The following PEAK1 variants were observed in gnomAD, a reference collection of about 807,000 sequenced individuals.
PEAK1 encodes inactive tyrosine-protein kinase PEAK1.
A neutral mutation model predicts 124.7 loss-of-function variants in PEAK1; 54 were observed. The ratio of observed to expected loss-of-function variants is 0.43; its 90% CI spans 0.35 to 0.54. The LOEUF is 0.54. Among genes scored for constraint, PEAK1 ranks in the 20% least tolerant of loss-of-function variants. The pLI is 0.01. For synonymous variants in PEAK1, 719 were observed against 760.0 expected, an observed-to-expected ratio of 0.95 and a Z score of 0.89; for missense variants, 2,046 against 2,134.5, an observed-to-expected ratio of 0.96 and a Z score of 0.82.
chr15:77,248,752 C>T (rs906098655), intron 6 of PEAK1, among the ~76,000 whole-genome samples: 6 of 152,170 alleles, frequency 3.9e-5, no homozygotes, highest in Non-Finnish European at 4.4e-5. Context: ...AAAAGTGAAT[C>T]TCAATGTTTC....
chr15:77,245,067 C>G (rs2060519343), intron 6 of PEAK1, among the ~76,000 whole-genome samples: 1 of 152,198 alleles, frequency 6.6e-6, no homozygotes, highest in African/African-American at 2.4e-5. Context: ...ATTCTCTTCA[C>G]AGTCTTATTT....
At chr15:77,344,059 T>C (rs1187938095) in intron 2 of PEAK1, among the ~76,000 whole-genome samples, 3 of 152,188 alleles carry the variant, frequency 2.0e-5, no homozygotes, top group Non-Finnish European at 4.4e-5. Context: ...TGAAAATCAT[T>C]TGACTATATA....
At chr15:77,246,455 T>C (rs1188226622) in intron 6 of PEAK1, among the ~76,000 whole-genome samples, 1 of 150,920 alleles carries the variant, frequency 6.6e-6, no homozygotes, top group Non-Finnish European at 1.5e-5. Context: ...GCCCAGGAGG[T>C]TGAGGCTACA....
chr15:77,307,019 T>G (rs983721914), intron 2 of PEAK1, among the ~76,000 whole-genome samples: 1 of 152,188 alleles, frequency 6.6e-6, no homozygotes, highest in African/African-American at 2.4e-5. Flanking sequence ...CATAAGACTA[T>G]GTCAAATATT....
At chr15:77,380,395 C>T (rs1323962707) in intron 1 of PEAK1, among the ~76,000 whole-genome samples, 1 of 152,186 alleles carries the variant, frequency 6.6e-6, no homozygotes, top group Non-Finnish European at 1.5e-5. Context: ...CTGGACATAA[C>T]TGATCTTTAA....
intron 6 of PEAK1, among the ~76,000 whole-genome samples, chr15:77,182,999 T>C (rs144318588): frequency 5.7e-4 from 86 of 151,304 alleles, no homozygotes; most frequent in African/African-American, 1.8e-3. Context: ...AGCAAAACTA[T>C]AAAACACTGA....
chr15:77,315,226 T>C (rs2064797745), intron 2 of PEAK1, among the ~76,000 whole-genome samples: 1 of 152,222 alleles, frequency 6.6e-6, no homozygotes, highest in Non-Finnish European at 1.5e-5. Flanking sequence ...CCTGATGCCA[T>C]AAATACAAGA....
chr15:77,266,299 C>G (rs2061727868), intron 5 of PEAK1, among the ~76,000 whole-genome samples: 1 of 151,484 alleles, frequency 6.6e-6, no homozygotes, highest in Admixed American at 6.6e-5. Flanking sequence ...AAAAACTAAT[C>G]AAAGAACCAA....
At chr15:77,420,619 C>T (rs2073291509), upstream of PEAK1, 1 of 326,574 alleles carries the variant, frequency 3.1e-6, no homozygotes, top group Admixed American at 5.1e-5. Context: ...TGCGGGCCTT[C>T]GCAATAAAAA....
At chr15:77,334,143 T>C (rs1349511822) in intron 2 of PEAK1, 21 of 933,728 alleles carry the variant, frequency 2.2e-5, no homozygotes, top group Non-Finnish European at 2.7e-5. Flanking sequence ...AGATTTTTTT[T>C]CTCCATTGTA....
At chr15:77,280,905 T>A (rs956103052) in intron 5 of PEAK1, among the ~76,000 whole-genome samples, 1 of 152,146 alleles carries the variant, frequency 6.6e-6, no homozygotes, top group African/African-American at 2.4e-5. Context: ...ACATCTGTAA[T>A]CCCAGCACTT....
chr15:77,179,129 C>T lies in PEAK1; in HGVS notation c.2798G>A (p.Arg933His), dbSNP rs767709962. 29 of 1,613,976 alleles carry T rather than the reference C, an allele frequency of 1.8e-5. No individual in the cohort carries two copies. Among genetic ancestry groups the T allele is most frequent in the East Asian group, 6.7e-5 (3 of 44,890 alleles). The change falls in exon 7 of 10, where the codon CGC (arginine) becomes CAC (histidine). Residue 933 changes from arginine (R) to histidine (H), a missense_variant. Physicochemically the swap from Arg to His is conservative, Grantham distance 29. Coordinates refer to ENST00000682557, the MANE Select transcript of PEAK1 (RefSeq NM_001385026.1). ...KRWISFKSFF[R>H]RRKTDEEDDK... is the part of the protein sequence containing the mutation. ...ATCCTCCTCATCTGTTTTCCGACGGCGGAAGAAGCTTTTAAATGATATCCA... is the reference window on the plus strand; with the variant it reads ...ATCCTCCTCATCTGTTTTCCGACGGTGGAAGAAGCTTTTAAATGATATCCA...
At chr15:77,335,861 G>A (rs1376695846) in intron 2 of PEAK1, 1 of 985,188 alleles carries the variant, frequency 1.0e-6, no homozygotes, top group Non-Finnish European at 1.2e-6. Flanking sequence ...AATTCAAAGA[G>A]ACTTGACAAC....
rs189762737 is a variant in PEAK1 at position 77,402,986 on chromosome 15, G to C, written c.-666+17020C>G. On this transcript the variant is annotated intron_variant, in intron 1 of 9. Transcript: ENST00000682557. ...ATGCAGTTCTGGGTAGACATTATTT[G>C]CTCTTGCATTATGATTTTGTTATAC... The C allele has an allele frequency of 4.0e-4, 392 of 985,314 alleles. 1 individual carries two copies. The African/African-American group carries it at 6.5e-3, about 16-fold the overall frequency. The allele number at this position is 985,314 out of a possible 1,614,324, so 61.0% of individuals were successfully genotyped here.
At chr15:77,164,495 A>C (rs950775555) in intron 7 of PEAK1, among the ~76,000 whole-genome samples, 1 of 152,208 alleles carries the variant, frequency 6.6e-6, no homozygotes, top group South Asian at 2.1e-4. Context: ...TTTTTAAAAA[A>C]CAGACTCAAA....
At chr15:77,352,100 G>C in intron 2 of PEAK1, 5 of 836,540 alleles carry the variant, frequency 6.0e-6, no homozygotes, top group Non-Finnish European at 7.2e-6. Flanking sequence ...CATGCCTGTG[G>C]TTCCAGCTAC....
chr15:77,341,714 C>T (rs1057101319), intron 2 of PEAK1, among the ~76,000 whole-genome samples: 4 of 152,186 alleles, frequency 2.6e-5, no homozygotes, highest in Admixed American at 2.0e-4. Context: ...TAGGGGTCCA[C>T]CATAAGTTAC....
At chr15:77,293,098 C>G (rs2063307088) in intron 2 of PEAK1, among the ~76,000 whole-genome samples, 2 of 152,200 alleles carry the variant, frequency 1.3e-5, no homozygotes, top group African/African-American at 2.4e-5. Context: ...ACATCCTCGC[C>G]AGGCACCAAA....
Position 77,179,392 on chromosome 15 carries a change from G to A in PEAK1, c.2535C>T (p.Asp845=). The A allele has an allele frequency of 1.2e-6, 2 of 1,614,118 alleles. No individual in the cohort carries two copies. Among genetic ancestry groups the A allele is most frequent in the Non-Finnish European group, 1.7e-6 (2 of 1,180,008 alleles). The change falls in exon 7 of 10, where the codon GAC becomes GAT. Residue 845 remains aspartate (D), a synonymous_variant. Coordinates refer to ENST00000682557, the MANE Select transcript of PEAK1 (RefSeq NM_001385026.1). ...TDSPTTKVQK[D]PSIKPVTPSP... ...AGGGGGTGACTGGCTTTATGGATGG[G>A]TCTTTCTGTACTTTGGTGGTAGGAC... is the stretch of plus-strand genomic sequence containing the variant.
Sources: gnomAD v4.1 joint callset for allele counts (sites outside exome capture counted in the v4.1 genomes callset) on GRCh38, gnomAD v4.1.1 for gene constraint, MANE v1.5 for transcripts, NCBI Gene and HGNC (gene_info 2026-07-23, HGNC 2026-07-21) for gene names.